The following DST variants were observed in gnomAD, a reference collection of about 807,000 sequenced individuals.
DST encodes bullous pemphigoid antigen.
DST carries 253 observed loss-of-function variants against 875.2 expected under a neutral mutation model. That is an observed-to-expected ratio of 0.29 (90% CI 0.26 to 0.32). DST has a LOEUF of 0.32. Ranked by LOEUF, DST falls within the 10% of genes least tolerant of loss-of-function variation. The probability of loss-of-function intolerance (pLI) is 1.00; values close to 1 mark genes in which losing one functional copy is unlikely to be tolerated. For synonymous variants in DST, 3,124 were observed against 3,197.1 expected, an observed-to-expected ratio of 0.98 and a Z score of 0.77; for missense variants, 8,287 against 9,111.6, an observed-to-expected ratio of 0.91 and a Z score of 3.68.
At chr6:56,463,913 A>G (rs1337361363) in intron 100 of DST, 149 bp from the exon 101 acceptor site, 2 of 857,438 alleles carry the variant, frequency 2.3e-6, no homozygotes, top group Non-Finnish European at 4.0e-6. Context: ...CCAACTCAGC[A>G]TAACAAAAAG....
chr6:56,505,797 A>AC (rs2096291181), intron 77 of DST, among the ~76,000 whole-genome samples: 1 of 152,098 alleles, frequency 6.6e-6, no homozygotes, highest in Admixed American at 6.6e-5. Context: ...AGAGAAATAT[A>AC]CCCGAGTTGG....
intron 10 of DST, among the ~76,000 whole-genome samples, chr6:56,661,696 C>T (rs1232617009): frequency 6.6e-6 from 1 of 152,076 alleles, no homozygotes; most frequent in Non-Finnish European, 1.5e-5. Context: ...AAGCGATTCC[C>T]CTGCCTCAGC....
At chr6:56,785,158 G>A (rs1317071035) in intron 4 of DST, among the ~76,000 whole-genome samples, 2 of 152,320 alleles carry the variant, frequency 1.3e-5, no homozygotes, top group East Asian at 3.9e-4. Context: ...CTCCCAGTTA[G>A]GCTGCTCGGG....
At chr6:56,905,404 C>T (rs1795953178) in intron 2 of DST, among the ~76,000 whole-genome samples, 1 of 152,074 alleles carries the variant, frequency 6.6e-6, no homozygotes, top group South Asian at 2.1e-4. Flanking sequence ...TGAATAGCAA[C>T]TTCCTATCTC....
chr6:56,749,129 G>A (rs558068341), intron 4 of DST, among the ~76,000 whole-genome samples: 19 of 152,142 alleles, frequency 1.2e-4, no homozygotes, highest in African/African-American at 3.4e-4. Flanking sequence ...CATTTTGGGC[G>A]GGCAGATCAC....
intron 2 of DST, among the ~76,000 whole-genome samples, chr6:56,914,250 A>G (rs1224017801): frequency 2.6e-5 from 4 of 152,204 alleles, no homozygotes; most frequent in African/African-American, 4.8e-5. Flanking sequence ...AGGAACCAAC[A>G]TTGCATCCAT....
intron 52 of DST, 51 bp from the exon 53 acceptor site, chr6:56,572,317 A>G: frequency 3.8e-6 from 5 of 1,311,192 alleles, no homozygotes; most frequent in Non-Finnish European, 5.2e-6. Flanking sequence ...AGATCTTCAA[A>G]TGGCATTCCA....
intron 36 of DST, chr6:56,614,852 G>T: frequency 1.0e-6 from 1 of 994,258 alleles, no homozygotes; most frequent in Non-Finnish European, 1.2e-6. Flanking sequence ...ACCATAGAAG[G>T]CTGATAGAAT....
intron 3 of DST, among the ~76,000 whole-genome samples, chr6:56,854,121 T>A (rs1295871300): frequency 6.6e-6 from 1 of 152,208 alleles, no homozygotes; most frequent in Non-Finnish European, 1.5e-5. Flanking sequence ...CAGATTTAAA[T>A]GGAGCTGCTT....
In DST at chr6:56,509,738, T is replaced by C; in HGVS notation, c.18916A>G (p.Met6306Val). 2 of 1,613,822 alleles carry C rather than the reference T, an allele frequency of 1.2e-6. No individual in the cohort carries two copies. The highest frequency in any genetic ancestry group is 1.7e-6 in the Non-Finnish European group (2 of 1,179,772). The change falls in exon 74 of 104, where the codon ATG (methionine) becomes GTG (valine). Residue 6306 changes from methionine to valine, a missense_variant. Met to Val is a conservative substitution (Grantham distance 21, BLOSUM62 1). This residue lies in a region of DST where 1,292 missense variants were observed against 1,552.7 expected (regional missense o/e 0.83). Transcript: ENST00000680361. ...ISENKNVSVD[M>V]EKLQPLYETL... ...TCATACAACGGCTGTAGCTTTTCCA[T>C]GTCTACTGACACATTCTTATTTTCA...
Position 56,463,031 on chromosome 6 carries a change from G to C in DST, c.23070+15C>G. The C allele has an allele frequency of 6.7e-7, 1 of 1,484,572 alleles. No individual in the cohort carries two copies. The highest frequency in any genetic ancestry group is 9.4e-7 in the Non-Finnish European group (1 of 1,066,908). The allele number at this position is 1,484,572 out of a possible 1,614,324, so 92.0% of individuals were successfully genotyped here. ...AAGGAGAATGTTAAGACTGGACTCT[G>C]GGGCCTTACAATACCTCTGCAGATG... is the stretch of plus-strand genomic sequence containing the variant. On this transcript the variant is annotated intron_variant, in intron 102 of 103. Coordinates refer to ENST00000680361, the MANE Select transcript of DST (RefSeq NM_001374736.1).
At chr6:56,880,742 A>G (rs1248306475) in intron 3 of DST, among the ~76,000 whole-genome samples, 1 of 151,672 alleles carries the variant, frequency 6.6e-6, no homozygotes, top group African/African-American at 2.4e-5. Context: ...CTGTTTTTCA[A>G]CTTATCTGGT....
At position 56,604,057 on chromosome 6, in the gene DST, T is replaced by C; in HGVS notation, c.10571A>G (p.Glu3524Gly). The C allele has an allele frequency of 6.3e-7, 1 of 1,584,974 alleles. No homozygotes were observed. The highest frequency in any genetic ancestry group is 8.6e-7 in the Non-Finnish European group (1 of 1,163,296). ...AATATCACCAAGAATATGTGGCTTTTCTTCCATCATCTCAGATGTAGAACA... is the reference window on the plus strand; with the variant it reads ...AATATCACCAAGAATATGTGGCTTTCCTTCCATCATCTCAGATGTAGAACA... ...KACSTSEMMEEKPHILGDIKS... is the reference protein window; with the variant it reads ...KACSTSEMMEGKPHILGDIKS... The change falls in exon 40 of 104, where the codon GAA (glutamate) becomes GGA (glycine). Residue 3524 changes from glutamate to glycine, a missense_variant. Around this residue, in one of 10 missense-constraint regions of DST, gnomAD observed 3,138 missense variants for 3,116.6 expected, o/e 1.01. Transcript: ENST00000680361.
chr6:56,466,184 G>A lies in DST; in HGVS notation c.22581C>T (p.Ser7527=), dbSNP rs757155481. 1.9e-5 allele frequency: 30 copies of A among 1,606,402 alleles called. No individual in the cohort carries two copies. The South Asian group carries it at 3.1e-4, about 17-fold the overall frequency. ...RFFLGNQFGD[S]QQLRLVRILR... Reference sequence around the variant, plus strand: ...GGATCCGGACCAGTCGCAGTTGCTGGGAGTCTCCAAACTGTTCAGTGAAGA... The same window carrying A: ...GGATCCGGACCAGTCGCAGTTGCTGAGAGTCTCCAAACTGTTCAGTGAAGA... Residue 7527 remains serine (S), a synonymous_variant, in exon 99 of 104, where the codon TCC becomes TCT. Transcript: ENST00000680361.
chr6:56,539,405 A>T (rs973451015), intron 61 of DST, among the ~76,000 whole-genome samples: 3 of 152,214 alleles, frequency 2.0e-5, no homozygotes, highest in African/African-American at 7.2e-5. Context: ...TCTAAGAAAA[A>T]GGCATAACTA....
chr6:56,698,315 C>CT (rs2099274910), intron 9 of DST, among the ~76,000 whole-genome samples: 1 of 150,824 alleles, frequency 6.6e-6, no homozygotes, highest in Admixed American at 6.6e-5. Flanking sequence ...TTTCAGCCAA[C>CT]TTAAAAAAAA....
chr6:56,507,254 G>A (rs376364532), intron 75 of DST, among the ~76,000 whole-genome samples: 2 of 152,136 alleles, frequency 1.3e-5, no homozygotes, highest in Non-Finnish European at 2.9e-5. Flanking sequence ...GACCTGTAAG[G>A]TACAAAGATA....
At chr6:56,684,457 A>T (rs373019561) in intron 9 of DST, among the ~76,000 whole-genome samples, 28 of 152,358 alleles carry the variant, frequency 1.8e-4, no homozygotes, top group East Asian at 1.7e-3. Context: ...TTAAGAAATC[A>T]TGGGGATTCA....
At chr6:56,877,920 T>C (rs1314785567) in intron 3 of DST, among the ~76,000 whole-genome samples, 1 of 152,244 alleles carries the variant, frequency 6.6e-6, no homozygotes, top group East Asian at 1.9e-4. Flanking sequence ...AACAGACTTG[T>C]CTTGTTGAAC....
Sources: allele counts gnomAD v4.1 joint callset (sites outside exome capture counted in the v4.1 genomes callset), GRCh38; gene constraint gnomAD v4.1.1; regional missense constraint gnomAD v4.1.1; transcripts MANE v1.5; gene names NCBI Gene and HGNC (gene_info 2026-07-23, HGNC 2026-07-21).